The following NUP93 variants were observed in gnomAD, a reference collection of about 807,000 sequenced individuals.
The protein encoded by NUP93 is nuclear pore complex protein Nup93.
A neutral mutation model predicts 107.8 loss-of-function variants in NUP93; 55 were observed. The observed-to-expected ratio is 0.51, with a 90% confidence interval of 0.41 to 0.64. The LOEUF is 0.64. NUP93 is among the 30% of genes least tolerant of loss of function. The probability of loss-of-function intolerance (pLI) is 0.00; values close to 1 mark genes in which losing one functional copy is unlikely to be tolerated. For synonymous variants in NUP93, 390 were observed against 397.5 expected, an observed-to-expected ratio of 0.98 and a Z score of 0.22; for missense variants, 937 against 1,044.7, an observed-to-expected ratio of 0.90 and a Z score of 1.42.
At chr16:56,843,116 G>A (rs1964058889) in intron 21 of NUP93, among the ~76,000 whole-genome samples, 1 of 152,214 alleles carries the variant, frequency 6.6e-6, no homozygotes, top group Admixed American at 6.5e-5. Context: ...GTGGTCCACT[G>A]AAGCGGTCAG....
intron 1 of NUP93, among the ~76,000 whole-genome samples, chr16:56,735,743 G>A (rs1007221922): frequency 4.0e-5 from 6 of 151,272 alleles, no homozygotes; most frequent in African/African-American, 1.5e-4. Flanking sequence ...CAGGAGAATC[G>A]CTTGAACCTG....
chr16:56,740,170 A>G (rs1307101484), intron 1 of NUP93, among the ~76,000 whole-genome samples: 9 of 136,182 alleles, frequency 6.6e-5, no homozygotes, highest in East Asian at 2.4e-4. Flanking sequence ...CCGGGCGGAG[A>G]CGCTCCTCAC....
chr16:56,833,139 C>G, intron 12 of NUP93, 76 bp from the exon 13 acceptor site: 1 of 1,313,876 alleles, frequency 7.6e-7, no homozygotes, highest in Non-Finnish European at 1.1e-6. Context: ...CACAGGGCTG[C>G]TGCCTGGGGG....
chr16:56,822,580 G>A (rs1596841565), intron 7 of NUP93, among the ~76,000 whole-genome samples: 1 of 69,226 alleles, frequency 1.4e-5, no homozygotes, highest in South Asian at 4.7e-4. Context: ...TTTTTTTTGA[G>A]TTGAAGTTTC....
intron 3 of NUP93, among the ~76,000 whole-genome samples, chr16:56,778,637 A>G (rs1434832755): frequency 6.6e-6 from 1 of 152,190 alleles, no homozygotes; most frequent in East Asian, 1.9e-4. Flanking sequence ...TGGGCTTAAG[A>G]AGGATGTTCA....
At chr16:56,816,005 G>C (rs764261684) in intron 5 of NUP93, among the ~76,000 whole-genome samples, 6 of 152,090 alleles carry the variant, frequency 3.9e-5, no homozygotes, top group Admixed American at 6.5e-5. Flanking sequence ...AGTTGCCCTG[G>C]GCAGCCCTGG....
rs114834727 is a variant in NUP93, at chr16:56,829,672, G to A, written c.927+563G>A. Among the ~76,000 whole-genome samples, 454 of 152,338 alleles carry A rather than the reference G, an allele frequency of 3.0e-3. 1 individual carries two copies. Among genetic ancestry groups the A allele is most frequent in the African/African-American group, 9.5e-3 (397 of 41,578 alleles). On this transcript the variant is annotated intron_variant, in intron 9 of 21. Transcript: ENST00000308159. ...AGTTTTGGAAAAGAGTATTCCAGGAGGAGGTAACACATGCACAAATGCATG... is the reference window on the plus strand; with the variant it reads ...AGTTTTGGAAAAGAGTATTCCAGGAAGAGGTAACACATGCACAAATGCATG...
chr16:56,740,705 G>C (rs1458520599), intron 1 of NUP93: 2 of 185,792 alleles, frequency 1.1e-5, no homozygotes, highest in African/African-American at 2.4e-5. Flanking sequence ...AGTGAGCCGA[G>C]ATCACGCCAC....
rs139909694 is a variant in NUP93 at position 56,845,642 on chromosome 16, A to C, written c.*1033A>C. ...GTCGTGTTTGTTCCTGAATGGGCCA[A>C]CTGGAGCCTTGAGACAGTGGGCAGT... On this transcript the variant is annotated 3_prime_UTR_variant, in exon 22 of 22. Coordinates refer to ENST00000308159, the MANE Select transcript of NUP93 (RefSeq NM_014669.5). The C allele has an allele frequency of 6.6e-6, 1 of 152,118 alleles. No homozygotes were observed. Among genetic ancestry groups the C allele is most frequent in the Non-Finnish European group, 1.5e-5 (1 of 68,026 alleles). 9.4% of individuals were successfully genotyped at this position (152,118 alleles called of 1,614,324 possible). A position where few individuals can be genotyped will look rare whatever the true frequency, so the allele number is the denominator to read the frequency against.
chr16:56,765,985 A>T (rs1224546744), intron 3 of NUP93, among the ~76,000 whole-genome samples: 1 of 152,216 alleles, frequency 6.6e-6, no homozygotes, highest in African/African-American at 2.4e-5. Context: ...AAAAATGGTA[A>T]CTTTGGAATA....
chr16:56,752,620 A>G (rs1961943696), intron 2 of NUP93, among the ~76,000 whole-genome samples: 1 of 152,194 alleles, frequency 6.6e-6, no homozygotes, highest in Non-Finnish European at 1.5e-5. Context: ...TCAAAATCCC[A>G]GCTGGGATTT....
Position 56,840,300 on chromosome 16 carries a change from G to A in NUP93, c.2220+696G>A, listed in dbSNP as rs575359421. Reference sequence around the variant, plus strand: ...CTCCCAAAATGCTGGGATTACAGGCGTGAGCCACCGTGCCCAGCCAATCCA... The same window carrying A: ...CTCCCAAAATGCTGGGATTACAGGCATGAGCCACCGTGCCCAGCCAATCCA... On this transcript the variant is annotated intron_variant, in intron 20 of 21. Coordinates refer to ENST00000308159, the MANE Select transcript of NUP93 (RefSeq NM_014669.5). Among the ~76,000 whole-genome samples, 8 of 152,300 alleles carry A rather than the reference G, an allele frequency of 5.3e-5. 1 individual carries two copies. Among genetic ancestry groups the A allele is most frequent in the Admixed American group, 2.0e-4 (3 of 15,304 alleles).
chr16:56,782,199 A>C lies in NUP93; in HGVS notation c.298-16277A>C. ...GCATCGACCGTTCTGTAACTCCTTAAATTTAAGAGCTGCAGGTAGGATTGG... is the reference window on the plus strand; with the variant it reads ...GCATCGACCGTTCTGTAACTCCTTACATTTAAGAGCTGCAGGTAGGATTGG... On this transcript the variant is annotated intron_variant, in intron 3 of 21. Coordinates refer to ENST00000308159, the MANE Select transcript of NUP93 (RefSeq NM_014669.5). The C allele has an allele frequency of 3.0e-6, 3 of 985,344 alleles. No homozygotes were observed. In the South Asian group the frequency reaches 1.4e-4, roughly 46 times the overall value. The allele number at this position is 985,344 out of a possible 1,614,324, so 61.0% of individuals were successfully genotyped here. A position where few individuals can be genotyped will look rare whatever the true frequency, so the allele number is the denominator to read the frequency against.
intron 1 of NUP93, among the ~76,000 whole-genome samples, chr16:56,739,697 A>C (rs1961681439): frequency 1.6e-5 from 2 of 126,784 alleles, no homozygotes; most frequent in Admixed American, 7.5e-5. Flanking sequence ...TCCCTCCCGG[A>C]CGGGGCGGCT....
chr16:56,798,594 G>C (rs372300386), intron 4 of NUP93, 56 bp downstream of exon 4: 6 of 1,399,988 alleles, frequency 4.3e-6, no homozygotes, highest in Admixed American at 1.7e-5. Flanking sequence ...AGGGCTGGGC[G>C]TGGTGGCTCA....
chr16:56,788,175 C>G (rs1567388522), intron 3 of NUP93, among the ~76,000 whole-genome samples: 1 of 152,298 alleles, frequency 6.6e-6, no homozygotes, highest in South Asian at 2.1e-4. Context: ...TCTCCCTCCC[C>G]CACTGGACTT....
At chr16:56,775,845 C>T (rs1392365824) in intron 3 of NUP93, among the ~76,000 whole-genome samples, 1 of 152,196 alleles carries the variant, frequency 6.6e-6, no homozygotes, top group Admixed American at 6.5e-5. Flanking sequence ...CCATGGTTGT[C>T]TATCCTGACC....
intron 7 of NUP93, among the ~76,000 whole-genome samples, chr16:56,822,566 T>TTC: frequency 7.1e-6 from 1 of 141,560 alleles, no homozygotes; most frequent in Admixed American, 7.6e-5. Context: ...TTTCTTTTCT[T>TTC]TTTTTTTTTT....
chr16:56,828,707 A>G (rs1485302943), intron 8 of NUP93, among the ~76,000 whole-genome samples: 1 of 152,212 alleles, frequency 6.6e-6, no homozygotes, highest in South Asian at 2.1e-4. Context: ...TATTCTGTAT[A>G]TCCACCCTTA....
Sources: gnomAD v4.1 joint callset for allele counts (sites outside exome capture counted in the v4.1 genomes callset) on GRCh38, gnomAD v4.1.1 for gene constraint, MANE v1.5 for transcripts, NCBI Gene and HGNC (gene_info 2026-07-23, HGNC 2026-07-21) for gene names.